RHBDL2: variants seen among roughly 807,000 people sequenced by gnomAD.
RHBDL2 encodes the protein rhomboid like 2, also known as rhomboid-related protein 2.
RHBDL2 carries 26 observed loss-of-function variants against 31.7 expected under a neutral mutation model. The ratio of observed to expected loss-of-function variants is 0.82; its 90% confidence interval spans 0.60 to 1.14. The LOEUF is 1.14. Among genes scored for constraint, RHBDL2 ranks in the 50% most tolerant of loss-of-function variants. The probability of loss-of-function intolerance (pLI) is 0.00; values close to 1 mark genes in which losing one functional copy is unlikely to be tolerated. For synonymous variants in RHBDL2, 123 were observed against 127.2 expected (o/e 0.97, Z 0.22); for missense variants, 336 against 364.4 (o/e 0.92, Z 0.63).
chr1:38,940,013 G>A (rs911885106), intron 1 of RHBDL2, among the ~76,000 whole-genome samples: 8 of 152,076 alleles, frequency 5.3e-5, no homozygotes, highest in Non-Finnish European at 1.0e-4. Flanking sequence ...AAGACAGCAA[G>A]CACCAGAGCA....
intron 2 of RHBDL2, among the ~76,000 whole-genome samples, chr1:38,916,896 T>C (rs1260568984): frequency 6.9e-6 from 1 of 145,876 alleles, no homozygotes; most frequent in Non-Finnish European, 1.5e-5. Flanking sequence ...ACTATGGAAA[T>C]GTAATGTACT....
chr1:38,935,692 A>C (rs1643491769), intron 1 of RHBDL2, among the ~76,000 whole-genome samples: 1 of 152,016 alleles, frequency 6.6e-6, no homozygotes, highest in Admixed American at 6.6e-5. Flanking sequence ...AGCTCACTGC[A>C]ACCTCTGCCT....
chr1:38,933,837 T>C (rs1402348921), intron 1 of RHBDL2, among the ~76,000 whole-genome samples: 1 of 151,830 alleles, frequency 6.6e-6, no homozygotes, highest in African/African-American at 2.4e-5. Flanking sequence ...CAAGCAATTC[T>C]CCTGCCTTAG....
intron 4 of RHBDL2, among the ~76,000 whole-genome samples, chr1:38,904,789 TG>T (rs1643040542): frequency 1.3e-5 from 2 of 149,962 alleles, no homozygotes; most frequent in South Asian, 2.1e-4. Flanking sequence ...CCCAGCACTT[TG>T]GGAGGCCGAG....
chr1:38,915,779 G>C (rs41270789), intron 2 of RHBDL2, 69 bp from the exon 3 acceptor site: 30,729 of 1,471,926 alleles, frequency 0.021, 409 homozygotes, highest in Middle Eastern at 0.027. Flanking sequence ...CAAGCCCGTG[G>C]GCAGTAACTG....
rs552342908 is a variant in RHBDL2, at chr1:38,915,458, A to G, written c.395+104T>C. 2.6e-6 allele frequency: 3 copies of G among 1,160,130 alleles called. No individual in the cohort carries two copies. In the South Asian group the frequency reaches 4.3e-5, roughly 17 times the overall value. The allele number at this position is 1,160,130 out of a possible 1,614,324, so 71.9% of individuals were successfully genotyped here. Reference sequence around the variant, plus strand: ...ACCCCTTAGGGTTGCTGTGAAGATTATGGACATGAAAGTGCCTTATCAATA... The same window carrying G: ...ACCCCTTAGGGTTGCTGTGAAGATTGTGGACATGAAAGTGCCTTATCAATA... On this transcript the variant is annotated intron_variant, in intron 3 of 7. Transcript: ENST00000372990.
intron 4 of RHBDL2, among the ~76,000 whole-genome samples, chr1:38,903,558 T>C (rs1317449237): frequency 6.6e-6 from 1 of 152,142 alleles, no homozygotes; most frequent in Non-Finnish European, 1.5e-5. Context: ...AAAAACATGC[T>C]GAGAGGAATT....
intron 1 of RHBDL2, among the ~76,000 whole-genome samples, chr1:38,936,025 A>T (rs1404155823): frequency 6.6e-6 from 1 of 151,376 alleles, no homozygotes; most frequent in East Asian, 2.0e-4. Context: ...ATATCCTCCC[A>T]CCTCAGCCTC....
chr1:38,895,165 A>G (rs1244454590), intron 5 of RHBDL2, among the ~76,000 whole-genome samples: 1 of 152,196 alleles, frequency 6.6e-6, no homozygotes, highest in Admixed American at 6.5e-5. Flanking sequence ...ACATGGGTAG[A>G]TGGTCAGGAT....
At chr1:38,928,956 A>T (rs1643410106) in intron 1 of RHBDL2, among the ~76,000 whole-genome samples, 1 of 152,080 alleles carries the variant, frequency 6.6e-6, no homozygotes, top group African/African-American at 2.4e-5. Flanking sequence ...CTGCACTTCC[A>T]GGTACTCGGG....
chr1:38,910,753 C>CTTTTTTTTTTTTT (rs765064879), intron 4 of RHBDL2, among the ~76,000 whole-genome samples: 18 of 111,036 alleles, frequency 1.6e-4, no homozygotes, highest in East Asian at 7.5e-4. Context: ...TATTCCTTTT[C>CTTTTTTTTTTTTT]TTTTTTTTTT....
At chr1:38,925,574 T>C (rs1643366489) in intron 1 of RHBDL2, among the ~76,000 whole-genome samples, 1 of 151,876 alleles carries the variant, frequency 6.6e-6, no homozygotes. Flanking sequence ...ATGCACTCAC[T>C]GAACAACTTT....
At chr1:38,920,600 G>C (rs1010553195) in intron 1 of RHBDL2, among the ~76,000 whole-genome samples, 2 of 143,842 alleles carry the variant, frequency 1.4e-5, no homozygotes, top group Non-Finnish European at 3.0e-5. Flanking sequence ...CCCTGTACAA[G>C]TTTTCTCTTT....
rs375894022 is a variant in RHBDL2 at position 38,919,109 on chromosome 1, C to A, written c.104G>T (p.Gly35Val). The A allele has an allele frequency of 1.9e-6, 3 of 1,613,986 alleles. No individual in the cohort carries two copies. The highest frequency in any genetic ancestry group is 2.5e-6 in the Non-Finnish European group (3 of 1,180,042). Residue 35 changes from glycine (G) to valine (V), a missense_variant, in exon 2 of 8, where the codon GGA becomes GTA. Coordinates refer to ENST00000372990, the MANE Select transcript of RHBDL2 (RefSeq NM_017821.5). ...TTTACTCTTGGCCCGATCTTTACCT[C>A]CCCCATCCTCTCTCATTTTCTCCTC... ...EEEEKMREDG[G>V]GKDRAKSKKV...
chr1:38,918,541 C>T (rs1399590997), intron 2 of RHBDL2, among the ~76,000 whole-genome samples: 1 of 152,098 alleles, frequency 6.6e-6, no homozygotes, highest in Non-Finnish European at 1.5e-5. Flanking sequence ...TTAAAGGATC[C>T]CGTTTTTTTC....
intron 1 of RHBDL2, among the ~76,000 whole-genome samples, chr1:38,923,745 T>C (rs1643342156): frequency 6.6e-6 from 1 of 152,222 alleles, no homozygotes; most frequent in African/African-American, 2.4e-5. Context: ...CACTCACTTA[T>C]TGGGTGTCAT....
chr1:38,888,100 T>A, intron 6 of RHBDL2, 76 bp from the exon 7 acceptor site: 1 of 894,990 alleles, frequency 1.1e-6, no homozygotes, highest in Non-Finnish European at 1.8e-6. Context: ...TCCCCTCTAA[T>A]AATAATAATA....
chr1:38,913,945 C>A (rs1174796039), intron 3 of RHBDL2, among the ~76,000 whole-genome samples: 1 of 151,926 alleles, frequency 6.6e-6, no homozygotes, highest in Non-Finnish European at 1.5e-5. Context: ...GGTGAAACCC[C>A]GTCTCTACTA....
At chr1:38,905,971 G>T (rs1643060539) in intron 4 of RHBDL2, among the ~76,000 whole-genome samples, 1 of 149,536 alleles carries the variant, frequency 6.7e-6, no homozygotes, top group South Asian at 2.1e-4. Context: ...GGAGGCTGAG[G>T]CAGGAGAATC....
Sources: gnomAD v4.1 joint callset for allele counts (sites outside exome capture counted in the v4.1 genomes callset) on GRCh38, gnomAD v4.1.1 for gene constraint, MANE v1.5 for transcripts, NCBI Gene and HGNC (gene_info 2026-07-23, HGNC 2026-07-21) for gene names.